The following SKI variants were observed in gnomAD, a reference collection of about 807,000 sequenced individuals.
SKI encodes SKI proto-oncogene, also known as ski oncogene.
SKI carries 23 observed loss-of-function variants against 59.3 expected under a neutral mutation model. The ratio of observed to expected loss-of-function variants is 0.39; its 90% confidence interval spans 0.28 to 0.55. The LOEUF (loss-of-function observed/expected upper bound fraction) is 0.55, where lower values mean the gene tolerates loss of function less well. Among genes scored for constraint, SKI ranks in the 20% least tolerant of loss-of-function variants. The pLI, the probability that SKI is intolerant of heterozygous loss-of-function variation, is 0.67. For missense variants in SKI, 1,017 were observed against 1,038.9 expected, an observed-to-expected ratio of 0.98 and a Z score of 0.29; for synonymous variants, 673 against 488.6, an observed-to-expected ratio of 1.38 and a Z score of -4.98.
At chr1:2,285,741 T>C (rs1267665124) in intron 1 of SKI, among the ~76,000 whole-genome samples, 1 of 151,438 alleles carries the variant, frequency 6.6e-6, no homozygotes, top group Admixed American at 6.6e-5. Context: ...TTTTTGTATT[T>C]GTAGCAGAGA....
In SKI at chr1:2,306,812, G is replaced by A; in HGVS notation, c.*47G>A. The A allele has an allele frequency of 1.5e-5, 20 of 1,333,214 alleles. No individual in the cohort carries two copies. The highest frequency in any genetic ancestry group is 1.9e-5 in the Non-Finnish European group (20 of 1,035,048). The allele number at this position is 1,333,214 out of a possible 1,614,324, so 82.6% of individuals were successfully genotyped here. A position where few individuals can be genotyped will look rare whatever the true frequency, so the allele number is the denominator to read the frequency against. On this transcript the variant is annotated 3_prime_UTR_variant, in exon 7 of 7. Coordinates refer to ENST00000378536, the MANE Select transcript of SKI (RefSeq NM_003036.4). ...CGCCGCCGACAACGCGGGTGCAGGG[G>A]GGCGCGGCTGGGCGGTGCAGCTCCG...
intron 1 of SKI, among the ~76,000 whole-genome samples, chr1:2,301,418 C>G (rs1451212042): frequency 1.3e-5 from 2 of 151,690 alleles, no homozygotes; most frequent in African/African-American, 2.4e-5. Context: ...CCTGTGCGCC[C>G]GAGCACTTAT....
chr1:2,250,130 T>C (rs1435839860), intron 1 of SKI, among the ~76,000 whole-genome samples: 1 of 152,206 alleles, frequency 6.6e-6, no homozygotes, highest in Non-Finnish European at 1.5e-5. Context: ...AGTCTCGAAC[T>C]CCTGACCTCA....
chr1:2,247,234 A>C (rs556514421), intron 1 of SKI, among the ~76,000 whole-genome samples: 1 of 152,206 alleles, frequency 6.6e-6, no homozygotes, highest in African/African-American at 2.4e-5. Context: ...AACAAAAAAC[A>C]AAAAAGGGAG....
intron 1 of SKI, among the ~76,000 whole-genome samples, chr1:2,284,718 C>G (rs1460555433): frequency 6.6e-6 from 1 of 152,152 alleles, no homozygotes; most frequent in Non-Finnish European, 1.5e-5. Context: ...CCCTGGGTGG[C>G]TGGGAGGGCT....
At chr1:2,255,534 C>T (rs539545551) in intron 1 of SKI, among the ~76,000 whole-genome samples, 13 of 152,052 alleles carry the variant, frequency 8.5e-5, no homozygotes, top group African/African-American at 2.9e-4. Context: ...GACCTCATTT[C>T]CTGTCTGTGC....
chr1:2,229,048 C>T lies in SKI; in HGVS notation c.282C>T (p.Ser94=), dbSNP rs988601938. ...PVLPGPFFMP[S]DRSTERCETV... is the part of the protein sequence containing the mutation. ...TGCCCGGGCCCTTCTTCATGCCGTC[C>T]GACCGCTCCACCGAGCGCTGCGAGA... The change falls in exon 1 of 7, where the codon TCC becomes TCT. Residue 94 remains serine (S), a synonymous_variant. Transcript: ENST00000378536. The surrounding 1 kb of genome is among the most constrained non-coding windows in gnomAD (Gnocchi z 6.3). 2.5e-6 allele frequency: 4 copies of T among 1,604,192 alleles called. No homozygotes were observed. The highest frequency in any genetic ancestry group is 1.3e-5 in the African/African-American group (1 of 74,868).
intron 1 of SKI, among the ~76,000 whole-genome samples, chr1:2,241,719 C>G (rs1488043998): frequency 6.6e-6 from 1 of 152,136 alleles, no homozygotes; most frequent in African/African-American, 2.4e-5. Flanking sequence ...GAAGCAAATC[C>G]CAGGCATCAT....
chr1:2,305,561 G>A (rs899986508), intron 5 of SKI, among the ~76,000 whole-genome samples: 1 of 152,200 alleles, frequency 6.6e-6, no homozygotes, highest in African/African-American at 2.4e-5. Context: ...TGAGTCACAC[G>A]GATATTTTAA....
Position 2,310,102 on chromosome 1 carries a change from C to T in SKI, c.*3337C>T, listed in dbSNP as rs1238869117. On this transcript the variant is annotated 3_prime_UTR_variant, in exon 7 of 7. Transcript: ENST00000378536. ...ATGTATGCTTTCTTGTTTATAAATG[C>T]CTGATTTAAAAAGAAAAGAGCTTGG... The T allele has an allele frequency of 6.6e-6, 1 of 151,558 alleles. No homozygotes were observed. Among genetic ancestry groups the T allele is most frequent in the Non-Finnish European group, 1.5e-5 (1 of 67,952 alleles). The allele number at this position is 151,558 out of a possible 1,614,324, so 9.4% of individuals were successfully genotyped here. A position where few individuals can be genotyped will look rare whatever the true frequency, so the allele number is the denominator to read the frequency against.
In SKI at chr1:2,229,603, C is replaced by T. The variant is rs760492009; in HGVS notation, c.837C>T (p.Ala279=). The T allele has an allele frequency of 6.2e-7, 1 of 1,612,632 alleles. No individual in the cohort carries two copies. Among genetic ancestry groups the T allele is most frequent in the South Asian group, 1.1e-5 (1 of 91,080 alleles). ...NRTCHWGFDS[A]NWRAYILLSQ... ...CCTGCCACTGGGGCTTCGACTCGGC[C>T]AACTGGCGGGCCTACATCCTGCTGA... is the stretch of plus-strand genomic sequence containing the variant. The change falls in exon 1 of 7, where the codon GCC becomes GCT. Residue 279 remains alanine (A), a synonymous_variant. Transcript: ENST00000378536. This position sits in a 1 kb window ranked among gnomAD's most constrained non-coding sequence, Gnocchi z 6.3.
chr1:2,278,832 G>A (rs536814057), intron 1 of SKI, among the ~76,000 whole-genome samples: 10 of 152,192 alleles, frequency 6.6e-5, no homozygotes, highest in Admixed American at 1.3e-4. Flanking sequence ...CACACAGGCC[G>A]TGAGCACTGC....
intron 1 of SKI, among the ~76,000 whole-genome samples, chr1:2,284,607 C>A (rs917300996): frequency 6.6e-6 from 1 of 152,144 alleles, no homozygotes; most frequent in African/African-American, 2.4e-5. Context: ...AAGCTCACAC[C>A]GGCCCAGAGG....
rs1639525697 is a variant in SKI, at chr1:2,267,504, C to T, written c.970-35474C>T. Among the ~76,000 whole-genome samples the T allele has an allele frequency of 6.6e-6, 1 of 152,200 alleles. No individual in the cohort carries two copies. The highest frequency in any genetic ancestry group is 6.5e-5 in the Admixed American group (1 of 15,288). ...CTTCAATATCCCATTCGTTCCAGAG[C>T]CTCCTTTCAGGGTGGAAGGGGTGGT... is the stretch of plus-strand genomic sequence containing the variant. On this transcript the variant is annotated intron_variant, in intron 1 of 6. Coordinates refer to ENST00000378536, the MANE Select transcript of SKI (RefSeq NM_003036.4). This position sits in a 1 kb window ranked among gnomAD's most constrained non-coding sequence, Gnocchi z 4.1.
chr1:2,272,200 C>T (rs1187045865), intron 1 of SKI, among the ~76,000 whole-genome samples: 1 of 152,240 alleles, frequency 6.6e-6, no homozygotes, highest in Non-Finnish European at 1.5e-5. Flanking sequence ...CTGGAGCTTC[C>T]ACGAGGGCCG....
intron 1 of SKI, among the ~76,000 whole-genome samples, chr1:2,300,242 G>A (rs927226694): frequency 1.3e-5 from 2 of 152,252 alleles, no homozygotes; most frequent in African/African-American, 2.4e-5. Flanking sequence ...TCTGGCCTCC[G>A]CTGTGTAAGC....
chr1:2,242,427 C>T (rs776473483), intron 1 of SKI, among the ~76,000 whole-genome samples: 3 of 152,120 alleles, frequency 2.0e-5, no homozygotes, highest in South Asian at 2.1e-4. Flanking sequence ...CGTGGGAAGC[C>T]GGGATGTGGC....
At chr1:2,253,473 G>A (rs545543854) in intron 1 of SKI, among the ~76,000 whole-genome samples, 5 of 152,332 alleles carry the variant, frequency 3.3e-5, no homozygotes, top group Admixed American at 6.5e-5. Context: ...AGTGCAGGTC[G>A]TCCTTGGACA....
chr1:2,239,624 C>T lies in SKI; in HGVS notation c.969+9889C>T, dbSNP rs550716796. Among the ~76,000 whole-genome samples, 53 of 152,350 alleles carry T rather than the reference C, an allele frequency of 3.5e-4. 1 individual carries two copies. Among genetic ancestry groups the T allele is most frequent in the Non-Finnish European group, 2.5e-4 (17 of 68,030 alleles). The stretch of plus-strand genomic sequence containing the variant: ...CCGCAAGGTGTGCAGTGGCAAGGGC[C>T]GGTCCTGGTGGCGGGCTCCCTGGTG... On this transcript the variant is annotated intron_variant, in intron 1 of 6. Coordinates refer to ENST00000378536, the MANE Select transcript of SKI (RefSeq NM_003036.4).
Sources: allele counts gnomAD v4.1 joint callset (sites outside exome capture counted in the v4.1 genomes callset), GRCh38; gene constraint gnomAD v4.1.1; non-coding constraint Gnocchi (gnomAD v3.1); transcripts MANE v1.5; gene names NCBI Gene and HGNC (gene_info 2026-07-23, HGNC 2026-07-21).